CWC27: variants seen among roughly 807,000 people sequenced by gnomAD.
CWC27 encodes the protein spliceosome-associated protein CWC27 homolog.
CWC27 carries 47 observed loss-of-function variants against 63.6 expected under a neutral mutation model. The ratio of observed to expected loss-of-function variants is 0.74; its 90% CI spans 0.58 to 0.94. The LOEUF is 0.94. Among genes scored for constraint, CWC27 ranks in the 40% least tolerant of loss-of-function variants. The pLI is 0.00. For synonymous variants in CWC27, 175 were observed against 179.8 expected (o/e 0.97, Z 0.22); for missense variants, 495 against 554.3 (o/e 0.89, Z 1.07).
At chr5:64,995,402 C>T (rs1212500831) in intron 13 of CWC27, among the ~76,000 whole-genome samples, 1 of 152,078 alleles carries the variant, frequency 6.6e-6, no homozygotes, top group Non-Finnish European at 1.5e-5. Flanking sequence ...CTGATCTTTT[C>T]CTTCACGATT....
chr5:64,920,976 T>C (rs539591555), intron 11 of CWC27, among the ~76,000 whole-genome samples: 6 of 152,256 alleles, frequency 3.9e-5, no homozygotes, highest in Admixed American at 2.6e-4. Flanking sequence ...CTGATTTTGG[T>C]TATTCTTCTG....
At chr5:64,840,361 TTAAAAAAAAAAAAAAAAAAA>T in intron 10 of CWC27, among the ~76,000 whole-genome samples, 1 of 35,858 alleles carries the variant, frequency 2.8e-5, no homozygotes, top group African/African-American at 1.0e-4. Context: ...TCCTTTTTCA[TTAAAAAAAAAAAAAAAAAAA>T]AAAAAAAAAA....
intron 11 of CWC27, among the ~76,000 whole-genome samples, chr5:64,893,605 A>C (rs1361804580): frequency 6.6e-6 from 1 of 152,230 alleles, no homozygotes; most frequent in Non-Finnish European, 1.5e-5. Context: ...AAATTATATT[A>C]ATAGCTACAT....
rs71608574 is a variant in CWC27, at chr5:64,905,200, C to CAAA, written c.1042+19676_1042+19678dup. ...TGGGCGACAGAGCCACACTACATCT[C>CAAA]AAAAAAAAAAAAAAAAAAAAAAAAC... On this transcript the variant is annotated intron_variant, in intron 11 of 13. Coordinates refer to ENST00000381070, the MANE Select transcript of CWC27 (RefSeq NM_005869.4). Among the ~76,000 whole-genome samples the CAAA allele has an allele frequency of 2.8e-3, 157 of 55,368 alleles. 1 individual carries two copies. The highest frequency in any genetic ancestry group is 7.6e-3 in the African/African-American group (113 of 14,802). The allele number at this position is 55,368 out of a possible 152,430, so 36.3% of individuals were successfully genotyped here.
chr5:64,816,235 G>A (rs533572505), intron 10 of CWC27, among the ~76,000 whole-genome samples: 60 of 152,260 alleles, frequency 3.9e-4, no homozygotes, highest in African/African-American at 1.3e-3. Flanking sequence ...CAGGTCAGGT[G>A]TCCACTCAAT....
At chr5:64,784,733 A>G (rs1317417642) in intron 4 of CWC27, among the ~76,000 whole-genome samples, 2 of 152,220 alleles carry the variant, frequency 1.3e-5, no homozygotes, top group African/African-American at 2.4e-5. Flanking sequence ...AAAACACTGA[A>G]TGAAAGGAAT....
At chr5:64,891,218 G>C (rs535513904) in intron 11 of CWC27, among the ~76,000 whole-genome samples, 3 of 152,030 alleles carry the variant, frequency 2.0e-5, no homozygotes, top group Non-Finnish European at 4.4e-5. Flanking sequence ...AACCTAATTA[G>C]TTAAAAAAAT....
chr5:64,868,475 A>G (rs1746584363), intron 10 of CWC27, among the ~76,000 whole-genome samples: 1 of 152,188 alleles, frequency 6.6e-6, no homozygotes, highest in Admixed American at 6.5e-5. Context: ...TCAGACTTAC[A>G]TACGTAACAT....
intron 11 of CWC27, among the ~76,000 whole-genome samples, chr5:64,912,954 T>C (rs1409992283): frequency 6.6e-6 from 1 of 152,146 alleles, no homozygotes; most frequent in Non-Finnish European, 1.5e-5. Flanking sequence ...TAATAAAACC[T>C]GGTAAAGATA....
intron 11 of CWC27, among the ~76,000 whole-genome samples, chr5:64,931,937 A>G (rs1283261490): frequency 6.6e-6 from 1 of 151,852 alleles, no homozygotes; most frequent in African/African-American, 2.4e-5. Context: ...CCTTTTATAT[A>G]TTTCCTATTT....
intron 10 of CWC27, among the ~76,000 whole-genome samples, chr5:64,828,538 G>A (rs1429484340): frequency 6.6e-6 from 1 of 151,920 alleles, no homozygotes; most frequent in African/African-American, 2.4e-5. Context: ...GCTGTCTTTT[G>A]CTGCATCCTC....
chr5:64,826,385 T>C (rs146212385), intron 10 of CWC27, among the ~76,000 whole-genome samples: 1 of 152,312 alleles, frequency 6.6e-6, no homozygotes, highest in African/African-American at 2.4e-5. Flanking sequence ...TTATTTGACA[T>C]TTATTGAGAC....
intron 13 of CWC27, among the ~76,000 whole-genome samples, chr5:64,978,245 T>C (rs1199949066): frequency 6.6e-6 from 1 of 152,202 alleles, no homozygotes; most frequent in South Asian, 2.1e-4. Context: ...TCTGCAACTG[T>C]ATATAACTTT....
At chr5:64,900,450 T>C (rs1179207940) in intron 11 of CWC27, among the ~76,000 whole-genome samples, 1 of 152,246 alleles carries the variant, frequency 6.6e-6, no homozygotes, top group African/African-American at 2.4e-5. Context: ...TTATATTCTT[T>C]GGATACAAAT....
intron 2 of CWC27, among the ~76,000 whole-genome samples, chr5:64,777,451 TAGA>T (rs1220685858): frequency 6.6e-6 from 1 of 152,110 alleles, no homozygotes; most frequent in Non-Finnish European, 1.5e-5. Flanking sequence ...AACAGGATTC[TAGA>T]AGAAGAAACG....
chr5:64,793,908 G>A (rs535611545), intron 7 of CWC27, among the ~76,000 whole-genome samples: 3 of 152,200 alleles, frequency 2.0e-5, no homozygotes, highest in African/African-American at 7.2e-5. Flanking sequence ...CTGGTTTATG[G>A]ATTATCAGTG....
chr5:64,810,793 A>C (rs934988043), intron 10 of CWC27, among the ~76,000 whole-genome samples: 2 of 152,104 alleles, frequency 1.3e-5, no homozygotes, highest in Non-Finnish European at 2.9e-5. Flanking sequence ...TGAGGTATAG[A>C]ATAATGTAAA....
chr5:64,891,699 T>TA (rs1205783257), intron 11 of CWC27, among the ~76,000 whole-genome samples: 2 of 152,238 alleles, frequency 1.3e-5, no homozygotes, highest in Admixed American at 1.3e-4. Flanking sequence ...AAATAAATTC[T>TA]AACCAATTCA....
chr5:65,007,115 T>G (rs1204100007), intron 13 of CWC27, among the ~76,000 whole-genome samples: 1 of 152,168 alleles, frequency 6.6e-6, no homozygotes, highest in Non-Finnish European at 1.5e-5. Context: ...TCATAAATCA[T>G]GTTGCTAGTA....
Sources: allele counts gnomAD v4.1 joint callset (sites outside exome capture counted in the v4.1 genomes callset), GRCh38; gene constraint gnomAD v4.1.1; transcripts MANE v1.5; gene names NCBI Gene and HGNC (gene_info 2026-07-23, HGNC 2026-07-21).